The following ENPP1 variants were observed in gnomAD, a reference collection of about 807,000 sequenced individuals.
ENPP1 encodes ectonucleotide pyrophosphatase/phosphodiesterase family member 1.
Under a neutral mutation model 122.8 loss-of-function variants are expected in ENPP1, and 73 were observed. The observed-to-expected ratio is 0.59, with a 90% CI of 0.49 to 0.72. ENPP1 has a LOEUF of 0.72. ENPP1 is among the 30% of genes least tolerant of loss of function. The probability of loss-of-function intolerance (pLI) is 0.00; values close to 1 mark genes in which losing one functional copy is unlikely to be tolerated. For missense variants in ENPP1, 978 were observed against 1,128.1 expected, an observed-to-expected ratio of 0.87 and a Z score of 1.91; for synonymous variants, 367 against 391.6, an observed-to-expected ratio of 0.94 and a Z score of 0.74.
At position 131,868,261 on chromosome 6, in the gene ENPP1, A is replaced by G. The variant is rs1013327464; in HGVS notation, c.1273+135A>G. 1.7e-5 allele frequency: 11 copies of G among 643,396 alleles called. No homozygotes were observed. The East Asian group carries it at 2.9e-4, about 17-fold the overall frequency. The allele number at this position is 643,396 out of a possible 1,614,324, so 39.9% of individuals were successfully genotyped here. A position where few individuals can be genotyped will look rare whatever the true frequency, so the allele number is the denominator to read the frequency against. ...TAGTTTCTTATGGACAGTCTTTAGG[A>G]AAAAAATACATTAAATATAAAATAT... On this transcript the variant is annotated intron_variant, in intron 12 of 24. Coordinates refer to ENST00000647893, the MANE Select transcript of ENPP1 (RefSeq NM_006208.3).
chr6:131,879,893 G>A lies in ENPP1; in HGVS notation c.1959G>A (p.Lys653=), dbSNP rs992532793. ...CTGTGACCCAAGAGAAGATTATTAAGCATGAAACTTTACCCTATGGAAGAC... is the reference window on the plus strand; with the variant it reads ...CTGTGACCCAAGAGAAGATTATTAAACATGAAACTTTACCCTATGGAAGAC... The part of the protein sequence containing the change: ...NLTVAEEKII[K]HETLPYGRPR... The change falls in exon 20 of 25, where the codon AAG becomes AAA. Residue 653 remains lysine, a synonymous_variant. Transcript: ENST00000647893. 3.1e-6 allele frequency: 5 copies of A among 1,613,598 alleles called. No individual in the cohort carries two copies. Among genetic ancestry groups the A allele is most frequent in the Non-Finnish European group, 4.2e-6 (5 of 1,179,546 alleles).
At chr6:131,863,212 A>G (rs1782045562) in intron 9 of ENPP1, among the ~76,000 whole-genome samples, 1 of 152,220 alleles carries the variant, frequency 6.6e-6, no homozygotes, top group Non-Finnish European at 1.5e-5. Flanking sequence ...TGCAAATATT[A>G]TTAAAAAGAA....
intron 1 of ENPP1, among the ~76,000 whole-genome samples, chr6:131,847,152 G>T (rs1057444324): frequency 2.0e-5 from 3 of 152,216 alleles, no homozygotes; most frequent in Non-Finnish European, 2.9e-5. Flanking sequence ...ATGTGAGGAT[G>T]TTAGGTTTGG....
At chr6:131,813,043 G>A (rs939514667) in intron 1 of ENPP1, among the ~76,000 whole-genome samples, 1 of 152,072 alleles carries the variant, frequency 6.6e-6, no homozygotes, top group Non-Finnish European at 1.5e-5. Context: ...GTTTCACTTT[G>A]TTGCCCAGGC....
At chr6:131,843,388 T>C (rs1562517370) in intron 1 of ENPP1, among the ~76,000 whole-genome samples, 2 of 152,196 alleles carry the variant, frequency 1.3e-5, no homozygotes, top group African/African-American at 4.8e-5. Flanking sequence ...GAAGAGGTGA[T>C]TTTTAAAAGT....
At chr6:131,870,844 C>T (rs903977595) in intron 13 of ENPP1, among the ~76,000 whole-genome samples, 2 of 152,080 alleles carry the variant, frequency 1.3e-5, no homozygotes, top group African/African-American at 4.8e-5. Flanking sequence ...TTTGGGAGGC[C>T]GAGGCGGGCG....
rs182294630 is a variant in ENPP1 at position 131,841,189 on chromosome 6, T to G, written c.241-6587T>G. On this transcript the variant is annotated intron_variant, in intron 1 of 24. Transcript: ENST00000647893. ...GTAATGCTCCAAAGTTCTTCAGGAATGTGTTGTCTTTGAATCTCCCTTTGA... is the reference window on the plus strand; with the variant it reads ...GTAATGCTCCAAAGTTCTTCAGGAAGGTGTTGTCTTTGAATCTCCCTTTGA... 1.4e-4 allele frequency among the ~76,000 whole-genome samples: 22 copies of G among 152,334 alleles called. 1 individual carries two copies. The highest frequency in any genetic ancestry group is 1.3e-3 in the Admixed American group (20 of 15,300).
At chr6:131,862,915 T>TG (rs1043310583) in intron 9 of ENPP1, among the ~76,000 whole-genome samples, 8 of 143,820 alleles carry the variant, frequency 5.6e-5, no homozygotes, top group East Asian at 2.0e-4. Flanking sequence ...TGTGTGTGTG[T>TG]TTTTTTTTTC....
At position 131,874,845 on chromosome 6, in the gene ENPP1, C is replaced by T. The variant is rs931375237; in HGVS notation, c.1635+508C>T. Among the ~76,000 whole-genome samples, 284 of 146,026 alleles carry T rather than the reference C, an allele frequency of 1.9e-3. 2 individuals carry two copies. Among genetic ancestry groups the T allele is most frequent in the African/African-American group, 6.8e-3 (259 of 37,888 alleles). On this transcript the variant is annotated intron_variant, in intron 16 of 24. Coordinates refer to ENST00000647893, the MANE Select transcript of ENPP1 (RefSeq NM_006208.3). ...TGTGTGAGATATATATATATATACA[C>T]ACACACACACACATACCATGAAATA... is the stretch of plus-strand genomic sequence containing the variant.
chr6:131,864,204 T>C (rs957552001), intron 9 of ENPP1, among the ~76,000 whole-genome samples: 7 of 152,180 alleles, frequency 4.6e-5, no homozygotes, highest in Non-Finnish European at 1.0e-4. Flanking sequence ...CTTTGCAAAG[T>C]ATATTAACAT....
intron 1 of ENPP1, among the ~76,000 whole-genome samples, chr6:131,815,986 G>A (rs1048751327): frequency 2.0e-5 from 3 of 150,952 alleles, no homozygotes; most frequent in Admixed American, 6.6e-5. Flanking sequence ...CTCCCAAAGT[G>A]CTGGGATTAC....
intron 21 of ENPP1, among the ~76,000 whole-genome samples, chr6:131,883,069 A>G (rs903270025): frequency 7.9e-5 from 12 of 152,144 alleles, no homozygotes; most frequent in African/African-American, 2.4e-4. Context: ...TAAGTATTCT[A>G]TTTTTTGAAA....
intron 1 of ENPP1, among the ~76,000 whole-genome samples, chr6:131,845,747 G>A (rs984049820): frequency 6.6e-6 from 1 of 152,006 alleles, no homozygotes; most frequent in African/African-American, 2.4e-5. Flanking sequence ...TGATGTTTTT[G>A]ATAGATATTT....
chr6:131,866,090 A>G (rs944435207), intron 11 of ENPP1, among the ~76,000 whole-genome samples: 2 of 152,106 alleles, frequency 1.3e-5, no homozygotes, highest in Non-Finnish European at 2.9e-5. Context: ...TTGGTGACCT[A>G]AGATATGAAA....
chr6:131,881,738 C>T (rs2114725942), intron 20 of ENPP1, among the ~76,000 whole-genome samples: 1 of 152,128 alleles, frequency 6.6e-6, no homozygotes, highest in South Asian at 2.1e-4. Context: ...AAAAAATTAG[C>T]CAGGCGTGGT....
At chr6:131,822,976 T>A (rs898978443) in intron 1 of ENPP1, among the ~76,000 whole-genome samples, 1 of 152,206 alleles carries the variant, frequency 6.6e-6, no homozygotes, top group African/African-American at 2.4e-5. Context: ...TGAGAAAATA[T>A]ATACTCCTAA....
chr6:131,831,874 A>C (rs983893332), intron 1 of ENPP1, among the ~76,000 whole-genome samples: 10 of 151,374 alleles, frequency 6.6e-5, no homozygotes, highest in African/African-American at 2.4e-4. Context: ...GTTACATTCC[A>C]CCTCCTTGAT....
rs190566582 is a variant in ENPP1, at chr6:131,851,537, C to A, written c.556+270C>A. On this transcript the variant is annotated intron_variant, in intron 4 of 24. Transcript: ENST00000647893. Reference sequence around the variant, plus strand: ...ATATTTTATCTATAACCACTCATTCCCCTGCCACCACCCTCTCATGTTATT... The same window carrying A: ...ATATTTTATCTATAACCACTCATTCACCTGCCACCACCCTCTCATGTTATT... 338 of 429,748 alleles carry A rather than the reference C, an allele frequency of 7.9e-4. 3 individuals carry two copies. Among genetic ancestry groups the A allele is most frequent in the Non-Finnish European group, 9.4e-4 (218 of 232,274 alleles). 26.6% of individuals were successfully genotyped at this position (429,748 alleles called of 1,614,324 possible). A position where few individuals can be genotyped will look rare whatever the true frequency, so the allele number is the denominator to read the frequency against.
intron 24 of ENPP1, 145 bp from the exon 25 acceptor site, chr6:131,890,196 A>G: frequency 1.4e-6 from 1 of 706,618 alleles, no homozygotes; most frequent in Non-Finnish European, 2.6e-6. Context: ...ACTCAAGAGG[A>G]GAGATGATGC....
Sources: allele counts gnomAD v4.1 joint callset (sites outside exome capture counted in the v4.1 genomes callset), GRCh38; gene constraint gnomAD v4.1.1; transcripts MANE v1.5; gene names NCBI Gene and HGNC (gene_info 2026-07-23, HGNC 2026-07-21).